Variants in CAMK1D observed in about 807,000 individuals in gnomAD.
The protein encoded by CAMK1D is calcium/calmodulin dependent protein kinase ID.
Under a neutral mutation model 47.7 loss-of-function variants are expected in CAMK1D, and 9 were observed. That is an observed-to-expected ratio of 0.19 (90% CI 0.11 to 0.33). CAMK1D has a LOEUF of 0.33. Among genes scored for constraint, CAMK1D ranks in the 10% least tolerant of loss-of-function variants. CAMK1D has a pLI of 1.00. For missense variants in CAMK1D, 291 were observed against 488.7 expected, an observed-to-expected ratio of 0.60 and a Z score of 3.81; for synonymous variants, 184 against 184.9, an observed-to-expected ratio of 0.99 and a Z score of 0.04.
At chr10:12,376,363 C>T (rs1395060686) in intron 1 of CAMK1D, among the ~76,000 whole-genome samples, 2 of 151,786 alleles carry the variant, frequency 1.3e-5, no homozygotes, top group African/African-American at 2.4e-5. Context: ...AGTCAGAGGG[C>T]GGGGATTTGA....
At chr10:12,709,384 C>T (rs1833851818) in intron 3 of CAMK1D, among the ~76,000 whole-genome samples, 1 of 151,968 alleles carries the variant, frequency 6.6e-6, no homozygotes, top group African/African-American at 2.4e-5. Context: ...CTGTCCCCAC[C>T]TCTTTGCCAT....
intron 3 of CAMK1D, among the ~76,000 whole-genome samples, chr10:12,704,719 A>G (rs1053134159): frequency 1.2e-4 from 18 of 152,194 alleles, no homozygotes; most frequent in African/African-American, 3.1e-4. Flanking sequence ...GTGCATTGCA[A>G]TCTGCGATGG....
In CAMK1D at chr10:12,484,141, C is replaced by G. The variant is rs577188806; in HGVS notation, c.93-69084C>G. 1.8e-4 allele frequency among the ~76,000 whole-genome samples: 28 copies of G among 152,320 alleles called. 1 individual carries two copies. In the Middle Eastern group the frequency reaches 0.024, roughly 130 times the overall value. On this transcript the variant is annotated intron_variant, in intron 1 of 10. Coordinates refer to ENST00000619168, the MANE Select transcript of CAMK1D (RefSeq NM_153498.4). The stretch of plus-strand genomic sequence containing the variant: ...TCACTGCGCGCATCCAAGTGTCTGT[C>G]ACCCATGAGCTTTGCAATAAGGAAG...
At chr10:12,443,396 T>C (rs1482032405) in intron 1 of CAMK1D, among the ~76,000 whole-genome samples, 4 of 152,110 alleles carry the variant, frequency 2.6e-5, no homozygotes, top group Non-Finnish European at 5.9e-5. Flanking sequence ...TGCAATATAG[T>C]GTCGTGATGA....
intron 5 of CAMK1D, among the ~76,000 whole-genome samples, chr10:12,785,527 C>T (rs1464288541): frequency 1.3e-5 from 2 of 152,154 alleles, no homozygotes; most frequent in Non-Finnish European, 2.9e-5. Context: ...TATCTCCAGG[C>T]AGCACTGGCC....
intron 2 of CAMK1D, among the ~76,000 whole-genome samples, chr10:12,640,922 C>T (rs763818496): frequency 4.6e-5 from 7 of 152,102 alleles, no homozygotes; most frequent in African/African-American, 7.2e-5. Context: ...AATAATTTAT[C>T]GGTAATTACA....
At chr10:12,719,271 A>G (rs1834277703) in intron 3 of CAMK1D, among the ~76,000 whole-genome samples, 1 of 151,946 alleles carries the variant, frequency 6.6e-6, no homozygotes, top group Non-Finnish European at 1.5e-5. Flanking sequence ...ACCAGGCGTG[A>G]TGGTGCATGC....
chr10:12,554,847 A>G (rs941596489), intron 2 of CAMK1D, among the ~76,000 whole-genome samples: 1 of 152,210 alleles, frequency 6.6e-6, no homozygotes, highest in Admixed American at 6.5e-5. Context: ...CCTGGCTCCC[A>G]GAACCATTCT....
intron 3 of CAMK1D, among the ~76,000 whole-genome samples, chr10:12,694,134 A>ATATAT (rs1833093386): frequency 5.0e-5 from 1 of 20,040 alleles, no homozygotes; most frequent in Non-Finnish European, 8.7e-5. Context: ...AATATATATT[A>ATATAT]TATATAATAT....
At chr10:12,415,602 C>G (rs527447067) in intron 1 of CAMK1D, among the ~76,000 whole-genome samples, 1 of 151,754 alleles carries the variant, frequency 6.6e-6, no homozygotes, top group Admixed American at 6.6e-5. Context: ...GCCTGGCCCC[C>G]TGTATTTATA....
At chr10:12,771,079 G>C (rs1304402097) in intron 5 of CAMK1D, among the ~76,000 whole-genome samples, 1 of 152,050 alleles carries the variant, frequency 6.6e-6, no homozygotes, top group Non-Finnish European at 1.5e-5. Context: ...ACAGGCGCCT[G>C]CCACCATGTC....
chr10:12,427,700 G>GTTTTTTTTGTTTTTTTTTTTTTTTTTT (rs1840285327), intron 1 of CAMK1D, among the ~76,000 whole-genome samples: 1 of 31,030 alleles, frequency 3.2e-5, no homozygotes, highest in African/African-American at 1.1e-4. Context: ...TGAACTTACT[G>GTTTTTTTTGTTTTTTTTTTTTTTTTTT]TTTTTTTTTT....
At chr10:12,702,199 C>T (rs548767012) in intron 3 of CAMK1D, among the ~76,000 whole-genome samples, 1 of 151,828 alleles carries the variant, frequency 6.6e-6, no homozygotes, top group Admixed American at 6.6e-5. Flanking sequence ...CCATCCCTGG[C>T]ACACAACGGA....
Position 12,609,586 on chromosome 10 carries a change from C to T in CAMK1D, c.224+56230C>T, listed in dbSNP as rs113953218. 3.1e-3 allele frequency among the ~76,000 whole-genome samples: 465 copies of T among 152,224 alleles called. 2 individuals are homozygous for T. Among genetic ancestry groups the T allele is most frequent in the African/African-American group, 0.011 (443 of 41,528 alleles). The stretch of plus-strand genomic sequence containing the variant: ...GCGTGGAACCCAGATCCCTCGCATG[C>T]GCAGTTCACAATAGGGTTCATACTC... On this transcript the variant is annotated intron_variant, in intron 2 of 10. Coordinates refer to ENST00000619168, the MANE Select transcript of CAMK1D (RefSeq NM_153498.4).
At chr10:12,787,751 C>T (rs2482048) in intron 5 of CAMK1D, among the ~76,000 whole-genome samples, 85,677 of 152,212 alleles carry the variant, frequency 0.56, 24,784 homozygotes, top group African/African-American at 0.68. Context: ...CCTGTAATCC[C>T]AGCACTTTGG....
chr10:12,687,474 A>G (rs975806174), intron 3 of CAMK1D, among the ~76,000 whole-genome samples: 1 of 152,178 alleles, frequency 6.6e-6, no homozygotes, highest in Non-Finnish European at 1.5e-5. Flanking sequence ...CTGTGAGCTG[A>G]CGAGCTCCTA....
intron 2 of CAMK1D, among the ~76,000 whole-genome samples, chr10:12,589,983 C>T (rs1837948916): frequency 6.6e-6 from 1 of 152,164 alleles, no homozygotes; most frequent in Admixed American, 6.5e-5. Context: ...GAGCAAATGA[C>T]ACTGAAAGCA....
At chr10:12,439,313 C>G (rs957799058) in intron 1 of CAMK1D, among the ~76,000 whole-genome samples, 4 of 152,192 alleles carry the variant, frequency 2.6e-5, no homozygotes, top group Non-Finnish European at 5.9e-5. Context: ...ATCGAAAACT[C>G]CCATCTGTGG....
intron 6 of CAMK1D, among the ~76,000 whole-genome samples, chr10:12,792,062 A>G (rs145140187): frequency 3.8e-4 from 58 of 152,320 alleles, no homozygotes; most frequent in African/African-American, 1.3e-3. Context: ...GCATTTTTGT[A>G]ATAGCTAATT....
Sources: allele counts gnomAD v4.1 joint callset (sites outside exome capture counted in the v4.1 genomes callset), GRCh38; gene constraint gnomAD v4.1.1; transcripts MANE v1.5; gene names NCBI Gene and HGNC (gene_info 2026-07-23, HGNC 2026-07-21).